Variants in AOPEP observed in about 807,000 individuals in gnomAD.
The protein encoded by AOPEP is aminopeptidase O.
In AOPEP, 77 loss-of-function variants were observed where a neutral mutation model predicts 98.1. The observed-to-expected ratio is 0.78, with a 90% CI of 0.65 to 0.95. The LOEUF is 0.95. AOPEP is among the 40% of genes least tolerant of loss of function. The pLI is 0.00. For synonymous variants in AOPEP, 346 were observed against 365.3 expected, an observed-to-expected ratio of 0.95 and a Z score of 0.60; for missense variants, 1,024 against 1,024.7, an observed-to-expected ratio of 1.00 and a Z score of 0.01.
intron 1 of AOPEP, among the ~76,000 whole-genome samples, chr9:94,731,587 A>C (rs1333357604): frequency 1.3e-5 from 2 of 151,240 alleles, no homozygotes; most frequent in East Asian, 3.9e-4. Flanking sequence ...TCTTGATTTG[A>C]TTTTGTCATC....
chr9:94,970,814 G>A (rs1351025141), intron 10 of AOPEP, among the ~76,000 whole-genome samples: 4 of 150,982 alleles, frequency 2.6e-5, no homozygotes, highest in Non-Finnish European at 5.9e-5. Context: ...CCTTTTCTTC[G>A]TACCTACCCC....
chr9:94,886,098 C>T (rs1369031303), intron 5 of AOPEP, among the ~76,000 whole-genome samples: 3 of 152,070 alleles, frequency 2.0e-5, no homozygotes, highest in Non-Finnish European at 4.4e-5. Flanking sequence ...ATTAAAACCA[C>T]AAAGCTTTGT....
chr9:94,856,256 A>G (rs1334271893), intron 5 of AOPEP, among the ~76,000 whole-genome samples: 1 of 152,020 alleles, frequency 6.6e-6, no homozygotes, highest in Non-Finnish European at 1.5e-5. Context: ...GCGGGTAAGG[A>G]CTCAGGTATA....
chr9:95,059,055 G>C (rs1410256553), intron 13 of AOPEP, among the ~76,000 whole-genome samples: 23 of 152,236 alleles, frequency 1.5e-4, no homozygotes, highest in Admixed American at 1.5e-3. Context: ...CCTGGGTTTG[G>C]CCTCTTCTGT....
At chr9:94,771,253 A>G (rs913648319) in intron 2 of AOPEP, among the ~76,000 whole-genome samples, 1 of 152,174 alleles carries the variant, frequency 6.6e-6, no homozygotes, top group Non-Finnish European at 1.5e-5. Context: ...GAGTTACCCT[A>G]TGCAAATTAG....
chr9:94,937,522 G>A (rs532712191), intron 7 of AOPEP, among the ~76,000 whole-genome samples: 12 of 152,290 alleles, frequency 7.9e-5, no homozygotes, highest in African/African-American at 2.9e-4. Context: ...GAGGTACAGG[G>A]GGATATGGTT....
chr9:94,949,577 G>A (rs984013563), intron 7 of AOPEP, among the ~76,000 whole-genome samples: 3 of 152,142 alleles, frequency 2.0e-5, no homozygotes, highest in African/African-American at 7.2e-5. Flanking sequence ...GTCCCAGTGG[G>A]GAAGCCCTTC....
At chr9:94,919,534 A>C (rs557089779) in intron 5 of AOPEP, among the ~76,000 whole-genome samples, 75 of 152,248 alleles carry the variant, frequency 4.9e-4, no homozygotes, top group Middle Eastern at 3.4e-3. Context: ...TGCGTCCAGG[A>C]GAGAGGGACT....
intron 5 of AOPEP, among the ~76,000 whole-genome samples, chr9:94,846,270 G>T (rs2042855152): frequency 6.6e-6 from 1 of 152,274 alleles, no homozygotes; most frequent in Admixed American, 6.5e-5. Context: ...GATCAGTGGT[G>T]TGCGGACTGA....
chr9:94,820,530 C>T (rs1852838241), intron 5 of AOPEP, among the ~76,000 whole-genome samples: 1 of 152,180 alleles, frequency 6.6e-6, no homozygotes, highest in Admixed American at 6.5e-5. Flanking sequence ...GTATTCTAGT[C>T]TATGGATGCT....
the AOPEP span, among the ~76,000 whole-genome samples, chr9:95,147,177 T>C: frequency 6.6e-6 from 1 of 152,160 alleles, no homozygotes; most frequent in Non-Finnish European, 1.5e-5. Flanking sequence ...GCTTTAAAAA[T>C]GAGGATTAAA....
intron 5 of AOPEP, among the ~76,000 whole-genome samples, chr9:94,839,149 G>A (rs529063087): frequency 2.1e-5 from 3 of 142,242 alleles, no homozygotes; most frequent in South Asian, 2.3e-4. Context: ...GCAGTGGCGC[G>A]ATTTCGGCTC....
Position 95,030,793 on chromosome 9 carries a change from T to C in AOPEP, c.2115+25177T>C, listed in dbSNP as rs186306870. The stretch of plus-strand genomic sequence containing the variant: ...GTTTGTAGGCGCAATATGGAAATTA[T>C]GGAAGATGAGCTTCAAGGTTCAGCA... On this transcript the variant is annotated intron_variant, in intron 13 of 16. Coordinates refer to ENST00000375315, the MANE Select transcript of AOPEP (RefSeq NM_001193329.3). Among the ~76,000 whole-genome samples, 21 of 152,372 alleles carry C rather than the reference T, an allele frequency of 1.4e-4. No homozygotes were observed. The East Asian group carries it at 3.9e-3, about 28-fold the overall frequency.
intron 5 of AOPEP, among the ~76,000 whole-genome samples, chr9:94,857,932 T>C (rs144453463): frequency 6.6e-6 from 1 of 152,270 alleles, no homozygotes; most frequent in East Asian, 1.9e-4. Context: ...TTTTTATTTT[T>C]TTAAGACACA....
chr9:95,104,791 G>T, the AOPEP span, among the ~76,000 whole-genome samples: 1 of 152,124 alleles, frequency 6.6e-6, no homozygotes, highest in Admixed American at 6.5e-5. Flanking sequence ...CGGGCCACAG[G>T]GTTGGGGAGG....
chr9:94,970,356 C>T (rs1425088869), intron 10 of AOPEP, among the ~76,000 whole-genome samples: 1 of 152,114 alleles, frequency 6.6e-6, no homozygotes, highest in Admixed American at 6.5e-5. Context: ...ATGCAACAAA[C>T]TACTGTTAGC....
chr9:94,816,751 G>A (rs1364748930), intron 5 of AOPEP, among the ~76,000 whole-genome samples: 3 of 152,116 alleles, frequency 2.0e-5, no homozygotes, highest in South Asian at 2.1e-4. Flanking sequence ...GTTAGGAGGT[G>A]GGGGAAGGCT....
intron 5 of AOPEP, among the ~76,000 whole-genome samples, chr9:94,920,907 G>A (rs1327015683): frequency 6.6e-6 from 1 of 152,160 alleles, no homozygotes; most frequent in Non-Finnish European, 1.5e-5. Context: ...CGGGAGTGTG[G>A]CTGCAAGCCA....
At chr9:95,059,664 A>C (rs183990436) in intron 13 of AOPEP, among the ~76,000 whole-genome samples, 5 of 152,274 alleles carry the variant, frequency 3.3e-5, no homozygotes, top group African/African-American at 9.6e-5. Flanking sequence ...GGCAGTTAAA[A>C]TCCAGGTGTT....
Sources: allele counts gnomAD v4.1 joint callset (sites outside exome capture counted in the v4.1 genomes callset), GRCh38; gene constraint gnomAD v4.1.1; transcripts MANE v1.5; gene names NCBI Gene and HGNC (gene_info 2026-07-23, HGNC 2026-07-21).